The following ZFP64 variants were observed in gnomAD, a reference collection of about 807,000 sequenced individuals.
The protein encoded by ZFP64 is zinc finger protein 64.
In ZFP64, 14 loss-of-function variants were observed where a neutral mutation model predicts 51.6. That is an observed-to-expected ratio of 0.27 (90% CI 0.18 to 0.42). ZFP64 has a LOEUF of 0.42. Among genes scored for constraint, ZFP64 ranks in the 10% least tolerant of loss-of-function variants. ZFP64 has a pLI of 1.00. For missense variants in ZFP64, 754 were observed against 906.8 expected (o/e 0.83, Z 2.16); for synonymous variants, 375 against 361.4 (o/e 1.04, Z -0.43).
chr20:52,101,647 A>G (rs1018975684), intron 5 of ZFP64, among the ~76,000 whole-genome samples: 39 of 152,020 alleles, frequency 2.6e-4, no homozygotes, highest in African/African-American at 9.4e-4. Context: ...AGCTCGAGCA[A>G]TCTGCCCACC....
At chr20:52,150,360 A>G (rs1980733583), downstream of ZFP64, among the ~76,000 whole-genome samples, 2 of 152,220 alleles carry the variant, frequency 1.3e-5, no homozygotes, top group Non-Finnish European at 2.9e-5. Context: ...TAATCAGGAA[A>G]AAATCCTTTA....
At chr20:52,141,722 A>G (rs1300989474) in intron 5 of ZFP64, among the ~76,000 whole-genome samples, 1 of 152,218 alleles carries the variant, frequency 6.6e-6, no homozygotes, top group Non-Finnish European at 1.5e-5. Context: ...ACATTGTGAA[A>G]ATGACAACAA....
At chr20:52,090,927 CAAAAAAAAAA>C (rs797006213) in intron 7 of ZFP64, among the ~76,000 whole-genome samples, 4 of 68,076 alleles carry the variant, frequency 5.9e-5, no homozygotes, top group African/African-American at 1.1e-4. Context: ...CTGACTCTAC[CAAAAAAAAAA>C]AAAAAAAAAA....
chr20:52,105,334 C>T (rs1223158991), intron 5 of ZFP64: 4 of 1,249,900 alleles, frequency 3.2e-6, no homozygotes, highest in East Asian at 3.2e-5. Flanking sequence ...GGCCGGAACG[C>T]GCATGTCCCG....
chr20:52,112,713 C>G (rs1006886766), intron 5 of ZFP64, among the ~76,000 whole-genome samples: 2 of 151,688 alleles, frequency 1.3e-5, no homozygotes, highest in Admixed American at 1.3e-4. Flanking sequence ...TTCCAGGTCT[C>G]AAGAGATCCT....
chr20:52,177,652 G>A (rs1983327320), intron 2 of ZFP64, among the ~76,000 whole-genome samples: 1 of 151,934 alleles, frequency 6.6e-6, no homozygotes, highest in Non-Finnish European at 1.5e-5. Context: ...CCGCACCTTT[G>A]AGCTGCCGAA....
In ZFP64 at chr20:52,123,877, G is replaced by C. The variant is rs188648660; in HGVS notation, c.764-25290C>G. On this transcript the variant is annotated intron_variant, in intron 5 of 8. Transcript: ENST00000361387. ...AGTGCTTAGTAAACTTTTCTTTTTT[G>C]GGGGGGGGAGGGGGCAGAGTGTCGC... Among the ~76,000 whole-genome samples the C allele has an allele frequency of 3.1e-3, 434 of 138,490 alleles. 4 individuals are homozygous for C. Among genetic ancestry groups the C allele is most frequent in the African/African-American group, 0.013 (396 of 31,086 alleles). 90.9% of individuals were successfully genotyped at this position (138,490 alleles called of 152,430 possible).
In ZFP64 at chr20:52,088,563, T is replaced by A. The variant is rs370684342; in HGVS notation, c.1057A>T (p.Thr353Ser). ...TGACACTTGTGTGGCTTCACACTGG[T>A]GTGGCACCGCATGTGCATGGTCAGG... is the stretch of plus-strand genomic sequence containing the variant. Residue 353 changes from threonine to serine, a missense_variant, in exon 8 of 9, where the codon ACC becomes TCC. Physicochemically the swap from Thr to Ser is moderately conservative, Grantham distance 58 (BLOSUM62 1). Transcript: ENST00000361387. 6.1e-5 allele frequency: 99 copies of A among 1,614,078 alleles called. No homozygotes were observed. The highest frequency in any genetic ancestry group is 7.5e-5 in the Non-Finnish European group (89 of 1,180,048).
Position 52,103,135 on chromosome 20 carries a change from G to A in ZFP64, c.764-4548C>T, listed in dbSNP as rs564594503. Among the ~76,000 whole-genome samples the A allele has an allele frequency of 3.1e-3, 479 of 152,290 alleles. 2 individuals are homozygous for A. Among genetic ancestry groups the A allele is most frequent in the African/African-American group, 0.011 (455 of 41,558 alleles). ...GGAGACCCTCTGCCTCTGGAAGTGG[G>A]GGTGGGCCGCATTTGACTATTAGAA... On this transcript the variant is annotated intron_variant, in intron 5 of 8. Coordinates refer to the ZFP64 transcript ENST00000361387.
chr20:52,103,916 G>C (rs1053194133), intron 5 of ZFP64, among the ~76,000 whole-genome samples: 3 of 152,134 alleles, frequency 2.0e-5, no homozygotes, highest in Non-Finnish European at 4.4e-5. Flanking sequence ...CACCACCTCG[G>C]GAAGTTGTGG....
downstream of ZFP64, among the ~76,000 whole-genome samples, chr20:52,146,340 C>A (rs1211097614): frequency 1.3e-5 from 2 of 151,904 alleles, no homozygotes; most frequent in African/African-American, 4.8e-5. Flanking sequence ...AAATGTCCAA[C>A]AATGATAGAC....
chr20:52,186,663 C>T (rs1983988054), intron 2 of ZFP64, among the ~76,000 whole-genome samples, 169 bp downstream of exon 2: 1 of 152,106 alleles, frequency 6.6e-6, no homozygotes, highest in South Asian at 2.1e-4. Context: ...AACCTAGCAG[C>T]TCCCAAACCT....
At chr20:52,175,795 G>A in intron 2 of ZFP64, 1 of 552,362 alleles carries the variant, frequency 1.8e-6, no homozygotes, top group Non-Finnish European at 2.3e-6. Context: ...AGTGAGCCGA[G>A]ATCGCACTAC....
chr20:52,164,952 T>C (rs1374898096), intron 3 of ZFP64, 195 bp from the exon 4 acceptor site: 1 of 687,666 alleles, frequency 1.5e-6, no homozygotes, highest in Non-Finnish European at 2.7e-6. Context: ...CAAAACTGCA[T>C]AACCTGAATC....
At chr20:52,114,776 G>A (rs1192163552) in intron 5 of ZFP64, among the ~76,000 whole-genome samples, 1 of 152,116 alleles carries the variant, frequency 6.6e-6, no homozygotes, top group Non-Finnish European at 1.5e-5. Flanking sequence ...TTGCACAGGC[G>A]CACAAGGGAG....
intron 5 of ZFP64, among the ~76,000 whole-genome samples, chr20:52,099,215 T>G (rs2079025323): frequency 1.3e-5 from 2 of 152,154 alleles, no homozygotes; most frequent in African/African-American, 4.8e-5. Flanking sequence ...AGGCTGATAT[T>G]TCTGTAAAAT....
exon 9 of ZFP64, chr20:52,084,802 C>G: frequency 6.2e-7 from 1 of 1,614,208 alleles, no homozygotes; most frequent in African/African-American, 1.3e-5. Context: ...GAGCTGCCCT[C>G]TCTGAGCCCT....
At chr20:52,170,045 T>C (rs1982593975) in intron 2 of ZFP64, among the ~76,000 whole-genome samples, 1 of 151,302 alleles carries the variant, frequency 6.6e-6, no homozygotes, top group Admixed American at 6.6e-5. Flanking sequence ...AAGAGCAAAA[T>C]TCCGTCTCAA....
rs370819757 is a variant in ZFP64, at chr20:52,155,514, C to CT, written c.764-2087dup. On this transcript the variant is annotated intron_variant, in intron 5 of 5. Transcript: ENST00000216923. ...TCCCTGTCAAAATTATAGTGACAGT[C>CT]TTTTTTCACTTTTTTTAAGCAATCT... is the stretch of plus-strand genomic sequence containing the variant. 4.4e-3 allele frequency among the ~76,000 whole-genome samples: 675 copies of CT among 152,220 alleles called. 7 individuals are homozygous for CT. Among genetic ancestry groups the CT allele is most frequent in the African/African-American group, 0.015 (630 of 41,526 alleles).
Sources: gnomAD v4.1 joint callset for allele counts (sites outside exome capture counted in the v4.1 genomes callset) on GRCh38, gnomAD v4.1.1 for gene constraint, MANE v1.5 for transcripts, NCBI Gene and HGNC (gene_info 2026-07-23, HGNC 2026-07-21) for gene names.